Variants in GUCY1A2 observed in about 807,000 individuals in gnomAD.
GUCY1A2 encodes guanylate cyclase 1 soluble subunit alpha 2, also known as guanylate cyclase soluble subunit alpha-2.
Under a neutral mutation model 63.5 loss-of-function variants are expected in GUCY1A2, and 27 were observed. That is an observed-to-expected ratio of 0.43 (90% confidence interval 0.31 to 0.59). GUCY1A2 has a LOEUF of 0.59. Among genes scored for constraint, GUCY1A2 ranks in the 20% least tolerant of loss-of-function variants. GUCY1A2 has a pLI of 0.11. For synonymous variants in GUCY1A2, 364 were observed against 343.5 expected (o/e 1.06, Z -0.66); for missense variants, 768 against 913.3 (o/e 0.84, Z 2.05).
intron 1 of GUCY1A2, among the ~76,000 whole-genome samples, chr11:107,004,448 A>C (rs993470316): frequency 2.6e-5 from 4 of 152,048 alleles, no homozygotes; most frequent in African/African-American, 9.7e-5. Flanking sequence ...CTCCCCCATG[A>C]GTTATTTTTA....
chr11:106,846,307 G>A (rs1265173874), intron 4 of GUCY1A2, among the ~76,000 whole-genome samples: 1 of 151,592 alleles, frequency 6.6e-6, no homozygotes, highest in Non-Finnish European at 1.5e-5. Context: ...TGAAATTTTA[G>A]AAGACAGTGG....
rs1864032208 is a variant in GUCY1A2 at position 106,759,694 on chromosome 11, G to C, written c.1836+16745C>G. Reference sequence around the variant, plus strand: ...CATGCCTGTAATCCCAGCACTTTGGGAGGCCGAGGTGGGCAGATCACCTGA... The same window carrying C: ...CATGCCTGTAATCCCAGCACTTTGGCAGGCCGAGGTGGGCAGATCACCTGA... On this transcript the variant is annotated intron_variant, in intron 6 of 7. Coordinates refer to ENST00000526355, the MANE Select transcript of GUCY1A2 (RefSeq NM_000855.3). 2.0e-5 allele frequency among the ~76,000 whole-genome samples: 3 copies of C among 152,332 alleles called. No individual in the cohort carries two copies. The South Asian group carries it at 6.2e-4, about 32-fold the overall frequency.
At chr11:106,922,651 T>G (rs1222262175) in intron 4 of GUCY1A2, among the ~76,000 whole-genome samples, 1 of 139,386 alleles carries the variant, frequency 7.2e-6, no homozygotes, top group Non-Finnish European at 1.5e-5. Flanking sequence ...AATTCAGTGC[T>G]TTGTTAACTA....
intron 6 of GUCY1A2, among the ~76,000 whole-genome samples, chr11:106,743,984 G>C (rs1484053782): frequency 4.6e-5 from 7 of 152,118 alleles, no homozygotes; most frequent in African/African-American, 1.4e-4. Flanking sequence ...CCCATTTTTA[G>C]ATGAATCAAG....
At chr11:106,984,687 T>C (rs1420182229) in intron 2 of GUCY1A2, among the ~76,000 whole-genome samples, 1 of 152,152 alleles carries the variant, frequency 6.6e-6, no homozygotes, top group Non-Finnish European at 1.5e-5. Context: ...AGCAAACAGG[T>C]ATGTAGTGCT....
chr11:106,868,841 A>G (rs905135071), intron 4 of GUCY1A2, among the ~76,000 whole-genome samples: 1 of 152,216 alleles, frequency 6.6e-6, no homozygotes, highest in Non-Finnish European at 1.5e-5. Context: ...GCATCACGCT[A>G]TCTGACTTCA....
At chr11:106,905,918 C>T (rs1390019683) in intron 4 of GUCY1A2, among the ~76,000 whole-genome samples, 3 of 152,096 alleles carry the variant, frequency 2.0e-5, no homozygotes, top group Non-Finnish European at 4.4e-5. Context: ...AGAACACTTG[C>T]TTACACCTTA....
intron 4 of GUCY1A2, among the ~76,000 whole-genome samples, chr11:106,895,285 C>T (rs1204789827): frequency 1.3e-5 from 2 of 152,160 alleles, no homozygotes; most frequent in Non-Finnish European, 2.9e-5. Flanking sequence ...GATGAGTTCA[C>T]TAGTGAATTC....
chr11:106,713,857 A>T lies in GUCY1A2; in HGVS notation c.1837-5191T>A, dbSNP rs145166669. 4.9e-3 allele frequency among the ~76,000 whole-genome samples: 744 copies of T among 151,930 alleles called. 24 individuals are homozygous for T. Among genetic ancestry groups the T allele is most frequent in the East Asian group, 2.5e-3 (13 of 5,148 alleles). ...GTTTACTTTCAGAAGGCCAATTTATATTGTTATCTTGTGCAATGCATGTTT... is the reference window on the plus strand; with the variant it reads ...GTTTACTTTCAGAAGGCCAATTTATTTTGTTATCTTGTGCAATGCATGTTT... On this transcript the variant is annotated intron_variant, in intron 6 of 7. Coordinates refer to ENST00000526355, the MANE Select transcript of GUCY1A2 (RefSeq NM_000855.3).
At chr11:106,855,909 ATTTATTTAT>A (rs1565311166) in intron 4 of GUCY1A2, among the ~76,000 whole-genome samples, 1 of 100,316 alleles carries the variant, frequency 1.0e-5, no homozygotes, top group Admixed American at 9.3e-5. Flanking sequence ...TTATTTATTT[ATTTATTTAT>A]TTATTTATTT....
intron 1 of GUCY1A2, among the ~76,000 whole-genome samples, chr11:107,009,467 T>C (rs1180246102): frequency 1.3e-5 from 2 of 152,164 alleles, no homozygotes; most frequent in Non-Finnish European, 2.9e-5. Flanking sequence ...CTTCTTTTTT[T>C]CTACAATCCC....
At chr11:106,763,829 T>TTCAA (rs566593423) in intron 6 of GUCY1A2, among the ~76,000 whole-genome samples, 103 of 152,246 alleles carry the variant, frequency 6.8e-4, no homozygotes, top group Admixed American at 2.8e-3. Flanking sequence ...ATTTTTCTTT[T>TTCAA]TCAATCAATC....
intron 3 of GUCY1A2, among the ~76,000 whole-genome samples, chr11:106,965,073 G>T (rs550623220): frequency 6.6e-6 from 1 of 151,556 alleles, no homozygotes; most frequent in East Asian, 2.0e-4. Context: ...TAAACACAGG[G>T]TGTTGTTTTT....
intron 4 of GUCY1A2, among the ~76,000 whole-genome samples, chr11:106,901,615 G>T (rs1254823959): frequency 2.0e-5 from 3 of 151,728 alleles, no homozygotes; most frequent in African/African-American, 7.3e-5. Flanking sequence ...TTTACATTAG[G>T]TATATCTCCT....
At position 106,684,343 on chromosome 11, in the gene GUCY1A2, A is replaced by C; in HGVS notation, c.*3206T>G. 5.3e-6 allele frequency: 1 copy of C among 190,142 alleles called. No homozygotes were observed. Among genetic ancestry groups the C allele is most frequent in the Non-Finnish European group, 1.1e-5 (1 of 90,660 alleles). 11.8% of individuals were successfully genotyped at this position (190,142 alleles called of 1,614,324 possible). On this transcript the variant is annotated 3_prime_UTR_variant, in exon 8 of 8. Coordinates refer to ENST00000526355, the MANE Select transcript of GUCY1A2 (RefSeq NM_000855.3). ...ATGAATATAAAGGCAGATTGTACGC[A>C]ATTGGGTCCCATGTTACCTGGAAGC...
intron 7 of GUCY1A2, among the ~76,000 whole-genome samples, chr11:106,705,956 T>G (rs1452985452): frequency 6.6e-6 from 1 of 152,334 alleles, no homozygotes; most frequent in South Asian, 2.1e-4. Context: ...AGAAAATGTT[T>G]TGTTCATTTT....
rs149439859 is a variant in GUCY1A2 at position 106,786,055 on chromosome 11, C to T, written c.1693-9473G>A. 4.0e-3 allele frequency among the ~76,000 whole-genome samples: 612 copies of T among 152,270 alleles called. 5 individuals are homozygous for T. Among genetic ancestry groups the T allele is most frequent in the African/African-American group, 0.014 (591 of 41,554 alleles). ...CTACAACAACCAGTCCAAATGTGCA[C>T]ATGCACACACGTACACACCACACAT... On this transcript the variant is annotated intron_variant, in intron 5 of 7. Transcript: ENST00000526355.
intron 6 of GUCY1A2, among the ~76,000 whole-genome samples, chr11:106,729,927 T>C (rs1260933754): frequency 1.3e-5 from 2 of 151,392 alleles, no homozygotes; most frequent in African/African-American, 2.4e-5. Flanking sequence ...GGAATTATCT[T>C]TGTGGAATGC....
intron 4 of GUCY1A2, among the ~76,000 whole-genome samples, chr11:106,891,602 T>C (rs1859975691): frequency 1.3e-5 from 2 of 152,150 alleles, no homozygotes; most frequent in Non-Finnish European, 2.9e-5. Flanking sequence ...TGTTTATTTA[T>C]ATGAGATAGG....
Sources: gnomAD v4.1 joint callset for allele counts (sites outside exome capture counted in the v4.1 genomes callset) on GRCh38, gnomAD v4.1.1 for gene constraint, MANE v1.5 for transcripts, NCBI Gene and HGNC (gene_info 2026-07-23, HGNC 2026-07-21) for gene names.